ADGRV1: variants seen among roughly 807,000 people sequenced by gnomAD.
The protein encoded by ADGRV1 is adhesion G protein-coupled receptor V1, also known as G-protein coupled receptor 98.
A neutral mutation model predicts 596.2 loss-of-function variants in ADGRV1; 359 were observed. The ratio of observed to expected loss-of-function variants is 0.60; its 90% CI spans 0.55 to 0.66. The LOEUF (loss-of-function observed/expected upper bound fraction) is 0.66, where lower values mean the gene tolerates loss of function less well. Among genes scored for constraint, ADGRV1 ranks in the 30% least tolerant of loss-of-function variants. The pLI is 0.00. For synonymous variants in ADGRV1, 2,681 were observed against 2,679.2 expected (o/e 1.00, Z -0.02); for missense variants, 7,274 against 7,575.6 (o/e 0.96, Z 1.48).
intron 52 of ADGRV1, among the ~76,000 whole-genome samples, chr5:90,746,077 G>A (rs553309969): frequency 3.7e-4 from 57 of 152,176 alleles, no homozygotes; most frequent in African/African-American, 1.2e-3. Context: ...GTTGATCTTG[G>A]TCTGAAAGTT....
chr5:90,725,572 A>G lies in ADGRV1; in HGVS notation c.10077A>G (p.Glu3359=). 6.4e-7 allele frequency: 1 copy of G among 1,565,748 alleles called. No individual in the cohort carries two copies. The highest frequency in any genetic ancestry group is 8.8e-7 in the Non-Finnish European group (1 of 1,136,728). Residue 3359 remains glutamate (E), a synonymous_variant, in exon 48 of 90, where the codon GAA becomes GAG. Transcript: ENST00000405460. ...AGGTACAAACAATCATTATTCTGGA[A>G]AGTTCTCAAGTAAGATATTTTACTT... ...LFLVQTIIIL[E]SSQVRYFTSD...
At chr5:91,121,415 A>T (rs1158449094) in intron 87 of ADGRV1, among the ~76,000 whole-genome samples, 1 of 152,084 alleles carries the variant, frequency 6.6e-6, no homozygotes, top group Non-Finnish European at 1.5e-5. Context: ...AGTGGCTAGG[A>T]TGGAGACAAC....
At chr5:90,687,663 G>A (rs918871547) in intron 29 of ADGRV1, among the ~76,000 whole-genome samples, 1 of 152,028 alleles carries the variant, frequency 6.6e-6, no homozygotes, top group African/African-American at 2.4e-5. Flanking sequence ...TTGTCTCAGC[G>A]CAAAATCTCC....
intron 21 of ADGRV1, among the ~76,000 whole-genome samples, chr5:90,658,890 G>A (rs1769823189): frequency 6.6e-6 from 1 of 152,078 alleles, no homozygotes; most frequent in African/African-American, 2.4e-5. Context: ...TACTTCCCAG[G>A]TGTTCTGTGT....
intron 83 of ADGRV1, among the ~76,000 whole-genome samples, chr5:90,939,779 A>T (rs1189382462): frequency 6.6e-6 from 1 of 152,138 alleles, no homozygotes; most frequent in East Asian, 1.9e-4. Context: ...GTTTTTAAAC[A>T]CTTTCTTGTC....
At chr5:90,689,473 A>G (rs375917942) in intron 29 of ADGRV1, among the ~76,000 whole-genome samples, 1 of 151,442 alleles carries the variant, frequency 6.6e-6, no homozygotes, top group East Asian at 1.9e-4. Context: ...CAGTGGTATA[A>G]TTTATCTTTC....
At chr5:90,873,052 G>A (rs368615227) in intron 83 of ADGRV1, among the ~76,000 whole-genome samples, 19 of 152,286 alleles carry the variant, frequency 1.2e-4, no homozygotes, top group African/African-American at 4.3e-4. Flanking sequence ...TCTGCTTGCT[G>A]TACAGCAGAG....
intron 1 of ADGRV1, among the ~76,000 whole-genome samples, chr5:90,607,320 G>T (rs1202804343): frequency 1.3e-5 from 2 of 152,102 alleles, no homozygotes; most frequent in African/African-American, 4.8e-5. Context: ...TGAGCAACTA[G>T]GTGGGGAGAA....
intron 1 of ADGRV1, among the ~76,000 whole-genome samples, chr5:90,567,843 G>A (rs1465304841): frequency 4.0e-5 from 6 of 151,642 alleles, no homozygotes; most frequent in East Asian, 1.9e-4. Context: ...GGGTTCAAGC[G>A]ATTCTCCTGC....
At chr5:90,571,490 T>TA (rs1216640383) in intron 1 of ADGRV1, among the ~76,000 whole-genome samples, 1 of 152,186 alleles carries the variant, frequency 6.6e-6, no homozygotes, top group African/African-American at 2.4e-5. Context: ...TCTTTCCTTT[T>TA]AAGCTTTTAG....
intron 8 of ADGRV1, 109 bp from the exon 9 acceptor site, chr5:90,629,101 G>T (rs1422861137): frequency 4.7e-6 from 3 of 635,864 alleles, no homozygotes; most frequent in Admixed American, 7.5e-5. Flanking sequence ...ATCATTTTTA[G>T]ACATAAAATA....
At chr5:90,758,366 G>A (rs1305423365) in intron 57 of ADGRV1, among the ~76,000 whole-genome samples, 1 of 152,138 alleles carries the variant, frequency 6.6e-6, no homozygotes, top group African/African-American at 2.4e-5. Flanking sequence ...CGGAATGCAA[G>A]TCAATGAGAT....
At chr5:90,636,178 C>G (rs958813895) in intron 10 of ADGRV1, among the ~76,000 whole-genome samples, 5 of 151,938 alleles carry the variant, frequency 3.3e-5, no homozygotes, top group African/African-American at 9.7e-5. Context: ...CCGACATGCC[C>G]TGGTTGAATT....
chr5:90,709,661 A>T (rs1338577448), intron 39 of ADGRV1, among the ~76,000 whole-genome samples: 2 of 152,262 alleles, frequency 1.3e-5, no homozygotes, highest in African/African-American at 4.8e-5. Context: ...GCTCACTGTG[A>T]TAACTTTGAA....
At chr5:90,834,106 A>G (rs1764753252) in intron 77 of ADGRV1, among the ~76,000 whole-genome samples, 3 of 152,144 alleles carry the variant, frequency 2.0e-5, no homozygotes, top group Admixed American at 2.0e-4. Context: ...TATGTCTAGA[A>G]AAGTTGTTGT....
intron 21 of ADGRV1, 43 bp downstream of exon 21, chr5:90,658,321 G>T: frequency 6.8e-7 from 1 of 1,465,456 alleles, no homozygotes; most frequent in Non-Finnish European, 9.0e-7. Context: ...AAAATTCATT[G>T]TAGGTGGATT....
rs1048895165 is a variant in ADGRV1, at chr5:90,702,811, C to T, written c.8156-854C>T. Among the ~76,000 whole-genome samples, 7 of 151,692 alleles carry T rather than the reference C, an allele frequency of 4.6e-5. No homozygotes were observed. In the South Asian group the frequency reaches 1.2e-3, roughly 27 times the overall value. ...ACAGTTTGATTAAGGATGTCGTCTT[C>T]TAAATCTTTTTAAACATCATTCTAT... On this transcript the variant is annotated intron_variant, in intron 34 of 89. Coordinates refer to ENST00000405460, the MANE Select transcript of ADGRV1 (RefSeq NM_032119.4).
intron 3 of ADGRV1, among the ~76,000 whole-genome samples, chr5:90,618,797 C>A (rs10462487): frequency 6.6e-6 from 1 of 151,450 alleles, no homozygotes; most frequent in Non-Finnish European, 1.5e-5. Flanking sequence ...GTAATTATAA[C>A]TAATTTATAA....
chr5:91,008,569 T>C (rs1782473832), intron 85 of ADGRV1, among the ~76,000 whole-genome samples: 1 of 152,146 alleles, frequency 6.6e-6, no homozygotes, highest in Non-Finnish European at 1.5e-5. Context: ...AGTGGCATGA[T>C]ATCAACTCAC....
Sources: gnomAD v4.1 joint callset for allele counts (sites outside exome capture counted in the v4.1 genomes callset) on GRCh38, gnomAD v4.1.1 for gene constraint, MANE v1.5 for transcripts, NCBI Gene and HGNC (gene_info 2026-07-23, HGNC 2026-07-21) for gene names.